The following STXBP5 variants were observed in gnomAD, a reference collection of about 807,000 sequenced individuals.
The protein encoded by STXBP5 is syntaxin-binding protein 5.
In STXBP5, 50 loss-of-function variants were observed where a neutral mutation model predicts 152.4. The observed-to-expected ratio is 0.33, with a 90% CI of 0.26 to 0.42. STXBP5 has a LOEUF of 0.42. STXBP5 is among the 10% of genes least tolerant of loss of function. STXBP5 has a pLI of 1.00. For missense variants in STXBP5, 1,167 were observed against 1,388.6 expected, an observed-to-expected ratio of 0.84 and a Z score of 2.54; for synonymous variants, 492 against 494.7, an observed-to-expected ratio of 0.99 and a Z score of 0.07.
At position 147,314,634 on chromosome 6, in the gene STXBP5, CAAGT is replaced by C. The variant is rs1782549597; in HGVS notation, c.1402+4_1402+7del. On this transcript the variant is annotated splice_donor_variant and coding_sequence_variant, in exon 14 of 28. Coordinates refer to ENST00000321680, the MANE Select transcript of STXBP5 (RefSeq NM_001127715.4). LOFTEE classifies it high-confidence loss of function. ...TCAGTTAAGTTCTGGGATGCTTCTG[CAAGT>C]AAGTATTTTTAATATTCATTATTTG... The C allele has an allele frequency of 6.2e-7, 1 of 1,605,426 alleles. No individual in the cohort carries two copies.
chr6:147,208,947 G>C (rs1391143984), intron 2 of STXBP5, among the ~76,000 whole-genome samples: 3 of 152,066 alleles, frequency 2.0e-5, no homozygotes, highest in African/African-American at 7.2e-5. Context: ...AATGACATAT[G>C]ATATAAATAT....
chr6:147,371,625 G>C (rs548769171), intron 25 of STXBP5, among the ~76,000 whole-genome samples: 46 of 152,228 alleles, frequency 3.0e-4, no homozygotes, highest in African/African-American at 7.7e-4. Context: ...GGCAGAAATT[G>C]AGAATCAAAT....
At chr6:147,252,510 A>G (rs1714537822) in intron 4 of STXBP5, among the ~76,000 whole-genome samples, 3 of 152,016 alleles carry the variant, frequency 2.0e-5, no homozygotes, top group African/African-American at 7.2e-5. Context: ...ATAAAGCATG[A>G]CGACAAGATT....
At chr6:147,295,080 T>C (rs750544263) in intron 9 of STXBP5, among the ~76,000 whole-genome samples, 2 of 152,204 alleles carry the variant, frequency 1.3e-5, no homozygotes, top group Non-Finnish European at 2.9e-5. Context: ...ATTCCCACTT[T>C]ACAAAATTCT....
rs186669480 is a variant in STXBP5, at chr6:147,357,918, G to A, written c.2306-1166G>A. ...AGTCAAAGAAGTATTTGGAAATGATGTTCCAAGAGAAAAAGGAAAAGGCTA... is the reference window on the plus strand; with the variant it reads ...AGTCAAAGAAGTATTTGGAAATGATATTCCAAGAGAAAAAGGAAAAGGCTA... On this transcript the variant is annotated intron_variant, in intron 22 of 27. Coordinates refer to ENST00000321680, the MANE Select transcript of STXBP5 (RefSeq NM_001127715.4). 1.2e-3 allele frequency among the ~76,000 whole-genome samples: 180 copies of A among 152,250 alleles called. 2 individuals are homozygous for A. The highest frequency in any genetic ancestry group is 4.2e-3 in the African/African-American group (173 of 41,554).
In STXBP5 at chr6:147,235,291, G is replaced by A. The variant is rs1241926148; in HGVS notation, c.290G>A (p.Ser97Asn). 6.2e-7 allele frequency: 1 copy of A among 1,613,372 alleles called. No homozygotes were observed. The highest frequency in any genetic ancestry group is 1.1e-5 in the South Asian group (1 of 91,026). ...GTAGAATGTTATTGCCAGCATGACA[G>A]TGGAGCTGCAGTAATCCAGCTCCAG... is the stretch of plus-strand genomic sequence containing the variant. Reference protein sequence around the residue: ...PGVECYCQHDSGAAVIQLQFL... With the variant: ...PGVECYCQHDNGAAVIQLQFL... Residue 97 changes from serine (S) to asparagine (N), a missense_variant, in exon 3 of 28, where the codon AGT (serine) becomes AAT (asparagine). This residue lies in a region of STXBP5 where 310 missense variants were observed against 346.1 expected (regional missense o/e 0.90). Coordinates refer to ENST00000321680, the MANE Select transcript of STXBP5 (RefSeq NM_001127715.4).
intron 25 of STXBP5, among the ~76,000 whole-genome samples, chr6:147,369,282 G>A (rs937982135): frequency 1.3e-5 from 2 of 151,934 alleles, no homozygotes; most frequent in African/African-American, 4.8e-5. Context: ...AAAAAAATCA[G>A]CTTTGATCCA....
At chr6:147,246,427 T>C (rs1778812480) in intron 4 of STXBP5, among the ~76,000 whole-genome samples, 1 of 152,176 alleles carries the variant, frequency 6.6e-6, no homozygotes, top group Admixed American at 6.5e-5. Flanking sequence ...TATTTTTACC[T>C]CTTGATTTAT....
intron 16 of STXBP5, among the ~76,000 whole-genome samples, chr6:147,323,010 C>T (rs1197566483): frequency 6.6e-6 from 1 of 152,152 alleles, no homozygotes; most frequent in Non-Finnish European, 1.5e-5. Context: ...CTACCATCAT[C>T]TCAAACTTAA....
intron 17 of STXBP5, 54 bp downstream of exon 17, chr6:147,325,138 T>G: frequency 7.4e-7 from 1 of 1,343,776 alleles, no homozygotes; most frequent in Non-Finnish European, 9.7e-7. Context: ...CCATATGTCA[T>G]TTTGTTTTTA....
intron 2 of STXBP5, among the ~76,000 whole-genome samples, chr6:147,216,043 A>C (rs1236121944): frequency 6.6e-6 from 1 of 152,160 alleles, no homozygotes. Flanking sequence ...GATGTTACAG[A>C]TGTTTGTCAA....
Position 147,385,714 on chromosome 6 carries a change from TTTAA to T in STXBP5, c.*964_*967del, listed in dbSNP as rs1255991102. On this transcript the variant is annotated 3_prime_UTR_variant, in exon 28 of 28. Transcript: ENST00000321680. Reference sequence around the variant, plus strand: ...TTTAACCAAATGTACCTTTGCATTCTTTAATTAAAATTGCTTAAAAAAAAACTTT... The same window carrying T: ...TTTAACCAAATGTACCTTTGCATTCTTTAAAATTGCTTAAAAAAAAACTTT... 6.6e-6 allele frequency: 1 copy of T among 152,128 alleles called. No individual in the cohort carries two copies. Among genetic ancestry groups the T allele is most frequent in the Non-Finnish European group, 1.5e-5 (1 of 67,996 alleles). The allele number at this position is 152,128 out of a possible 1,614,324, so 9.4% of individuals were successfully genotyped here. A position where few individuals can be genotyped will look rare whatever the true frequency, so the allele number is the denominator to read the frequency against.
At chr6:147,380,550 G>A (rs987947143) in intron 26 of STXBP5, among the ~76,000 whole-genome samples, 7 of 150,902 alleles carry the variant, frequency 4.6e-5, no homozygotes, top group Non-Finnish European at 4.4e-5. Context: ...AGCTAAAACT[G>A]TAACACTCTT....
chr6:147,281,008 T>C (rs1780673803), intron 8 of STXBP5, among the ~76,000 whole-genome samples: 1 of 152,178 alleles, frequency 6.6e-6, no homozygotes, highest in Non-Finnish European at 1.5e-5. Flanking sequence ...GTAATAGGGT[T>C]TCCAGCTTTC....
chr6:147,323,272 G>T (rs1169888469), intron 16 of STXBP5, among the ~76,000 whole-genome samples: 1 of 151,950 alleles, frequency 6.6e-6, no homozygotes, highest in Non-Finnish European at 1.5e-5. Flanking sequence ...CCTTTTTCTT[G>T]TTTCACATCA....
chr6:147,253,742 T>C (rs1477551308), intron 4 of STXBP5, among the ~76,000 whole-genome samples: 5 of 152,112 alleles, frequency 3.3e-5, no homozygotes, highest in African/African-American at 1.2e-4. Flanking sequence ...TTACAAGGGA[T>C]GTGAAAGACC....
chr6:147,230,089 G>A lies in STXBP5; in HGVS notation c.249-5161G>A, dbSNP rs143910243. ...GATAAAAGGGTGTTGATTTTTGTCA[G>A]ATTTTTTTCTACACCCGTTGAGATA... On this transcript the variant is annotated intron_variant, in intron 2 of 27. Coordinates refer to ENST00000321680, the MANE Select transcript of STXBP5 (RefSeq NM_001127715.4). Among the ~76,000 whole-genome samples the A allele has an allele frequency of 2.7e-3, 413 of 151,892 alleles. 1 individual carries two copies. Among genetic ancestry groups the A allele is most frequent in the African/African-American group, 9.4e-3 (392 of 41,496 alleles).
At position 147,236,556 on chromosome 6, in the gene STXBP5, C is replaced by T. The variant is rs73582531; in HGVS notation, c.330+1225C>T. 4.1e-3 allele frequency among the ~76,000 whole-genome samples: 616 copies of T among 150,824 alleles called. 4 individuals carry two copies. The highest frequency in any genetic ancestry group is 0.014 in the African/African-American group (589 of 40,986). On this transcript the variant is annotated intron_variant, in intron 3 of 27. Transcript: ENST00000321680. ...ACAATACTATTAACTAGACTATAGACCTTTATTTAGATTCTCTAGTTCATA... is the reference window on the plus strand; with the variant it reads ...ACAATACTATTAACTAGACTATAGATCTTTATTTAGATTCTCTAGTTCATA...
chr6:147,276,306 CT>C (rs1780441012), intron 7 of STXBP5, among the ~76,000 whole-genome samples: 1 of 151,956 alleles, frequency 6.6e-6, no homozygotes, highest in African/African-American at 2.4e-5. Context: ...TTGGTTATTT[CT>C]TTGCTTTTTT....
Sources: allele counts gnomAD v4.1 joint callset (sites outside exome capture counted in the v4.1 genomes callset), GRCh38; gene constraint gnomAD v4.1.1; regional missense constraint gnomAD v4.1.1; transcripts MANE v1.5; gene names NCBI Gene and HGNC (gene_info 2026-07-23, HGNC 2026-07-21).